SYT5: variants seen among roughly 807,000 people sequenced by gnomAD.
SYT5 encodes synaptotagmin-5.
In SYT5, 29 loss-of-function variants were observed where a neutral mutation model predicts 36.0. The ratio of observed to expected loss-of-function variants is 0.81; its 90% confidence interval spans 0.60 to 1.10. The LOEUF (loss-of-function observed/expected upper bound fraction) is 1.10. SYT5 is among the 50% of genes least tolerant of loss of function. The pLI, the probability that SYT5 is intolerant of heterozygous loss-of-function variation, is 0.00. For synonymous variants in SYT5, 231 were observed against 227.6 expected (o/e 1.02, Z -0.14); for missense variants, 512 against 516.0 (o/e 0.99, Z 0.08).
chr19:55,174,181 G>GAATCTGGTCCC lies in SYT5; in HGVS notation c.960+335_960+336insGGGACCAGATT, dbSNP rs2086041524. Reference sequence around the variant, plus strand: ...GCGGGGCATCCTGGTCCTGCTTGGGGGCGGGGCATCCTGGTCCTGCTTGGG... The same window carrying GAATCTGGTCCC: ...GCGGGGCATCCTGGTCCTGCTTGGGGAATCTGGTCCCGCGGGGCATCCTGGTCCTGCTTGGG... On this transcript the variant is annotated intron_variant, in intron 8 of 8. Transcript: ENST00000354308. Among the ~76,000 whole-genome samples the GAATCTGGTCCC allele has an allele frequency of 4.3e-4, 65 of 150,768 alleles. 1 individual carries two copies. Among genetic ancestry groups the GAATCTGGTCCC allele is most frequent in the African/African-American group, 1.6e-3 (63 of 40,590 alleles).
chr19:55,176,116 T>C lies in SYT5; in HGVS notation c.261A>G (p.Pro87=). 6.2e-7 allele frequency: 1 copy of C among 1,614,132 alleles called. No individual in the cohort carries two copies. The highest frequency in any genetic ancestry group is 8.5e-7 in the Non-Finnish European group (1 of 1,180,026). The change falls in exon 4 of 9, where the codon CCA becomes CCG. Residue 87 remains proline (P), a synonymous_variant. Coordinates refer to ENST00000354308, the MANE Select transcript of SYT5 (RefSeq NM_003180.3). ...LGQSYIDKVQ[P]EVEELEPAPS... Reference sequence around the variant, plus strand: ...GTGCTGGCTCCAGCTCCTCTACTTCTGGCTGCACCTTAAGGAGCCAGGGGT... The same window carrying C: ...GTGCTGGCTCCAGCTCCTCTACTTCCGGCTGCACCTTAAGGAGCCAGGGGT...
At position 55,173,612 on chromosome 19, in the gene SYT5, C is replaced by T. The variant is rs1446515335; in HGVS notation, c.1033G>A (p.Val345Met). Reference protein sequence around the residue: ...GKNEAIGRVAVGAAAGGAGLR... With the variant: ...GKNEAIGRVAMGAAAGGAGLR... Reference sequence around the variant, plus strand: ...CCAGCCCCGCCGGCGGCCGCCCCCACGGCCACCCTCCCGATGGCCTCGTTC... The same window carrying T: ...CCAGCCCCGCCGGCGGCCGCCCCCATGGCCACCCTCCCGATGGCCTCGTTC... Residue 345 changes from valine to methionine, a missense_variant, in exon 9 of 9, where the codon GTG becomes ATG. By Grantham distance (21) the Val-to-Met change is conservative. Coordinates refer to ENST00000354308, the MANE Select transcript of SYT5 (RefSeq NM_003180.3). The surrounding 1 kb of genome is among the most constrained non-coding windows in gnomAD (Gnocchi z 5.4). 1.3e-6 allele frequency: 2 copies of T among 1,486,944 alleles called. No individual in the cohort carries two copies. The highest frequency in any genetic ancestry group is 8.9e-7 in the Non-Finnish European group (1 of 1,119,288). The allele number at this position is 1,486,944 out of a possible 1,614,324, so 92.1% of individuals were successfully genotyped here.
At chr19:55,176,318 G>T (rs988608296) in intron 3 of SYT5, 194 bp from the exon 4 acceptor site, 4 of 703,044 alleles carry the variant, frequency 5.7e-6, no homozygotes, top group African/African-American at 5.4e-5. Context: ...CAGTATGTTT[G>T]TGAAGGTTTG....
At chr19:55,174,302 C>T (rs1469075383) in intron 8 of SYT5, among the ~76,000 whole-genome samples, 1 of 152,090 alleles carries the variant, frequency 6.6e-6, no homozygotes, top group African/African-American at 2.4e-5. Flanking sequence ...CATCCCGGTC[C>T]CGCTTAGAGC....
Position 55,175,755 on chromosome 19 carries a change from T to C in SYT5, c.494A>G (p.His165Arg). 6.2e-7 allele frequency: 1 copy of C among 1,614,122 alleles called. No individual in the cohort carries two copies. Among genetic ancestry groups the C allele is most frequent in the Non-Finnish European group, 8.5e-7 (1 of 1,180,026 alleles). Residue 165 changes from histidine (H) to arginine (R), a missense_variant, in exon 5 of 9, where the codon CAT (histidine) becomes CGT (arginine). By Grantham distance (29) the His-to-Arg change is conservative. Transcript: ENST00000354308. This position sits in a 1 kb window ranked among gnomAD's most constrained non-coding sequence, Gnocchi z 4.5. ...AAAGTGAGGGTTCAGCGTCTGCCGA[T>C]GCACCTTGGTCTCGTACCGCCTCCG... The part of the protein sequence containing the change: ...DKRRRYETKV[H>R]RQTLNPHFGE...
chr19:55,173,115 T>G lies in SYT5; in HGVS notation c.*369A>C. 1.0e-5 allele frequency: 2 copies of G among 197,668 alleles called. No individual in the cohort carries two copies. Among genetic ancestry groups the G allele is most frequent in the Non-Finnish European group, 2.0e-5 (2 of 97,716 alleles). 12.2% of individuals were successfully genotyped at this position (197,668 alleles called of 1,614,324 possible). A position where few individuals can be genotyped will look rare whatever the true frequency, so the allele number is the denominator to read the frequency against. ...CCAGGCCACCGGAGCTGCTGAATAT[T>G]TATTTGGCCCCAGGAGCAGTGCAGG... On this transcript the variant is annotated 3_prime_UTR_variant, in exon 9 of 9. Transcript: ENST00000354308. This position sits in a 1 kb window ranked among gnomAD's most constrained non-coding sequence, Gnocchi z 5.4.
At chr19:55,177,625 T>C (rs1599946543) in intron 3 of SYT5, 1 of 152,222 alleles carries the variant, frequency 6.6e-6, no homozygotes, top group Admixed American at 6.6e-5. Context: ...CAGGCTGGAG[T>C]GCAGTGGCGC....
Position 55,173,788 on chromosome 19 carries a change from C to G in SYT5, c.961-104G>C, listed in dbSNP as rs1599940107. The G allele has an allele frequency of 1.6e-6, 2 of 1,230,852 alleles. No homozygotes were observed. Among genetic ancestry groups the G allele is most frequent in the Admixed American group, 4.2e-5 (1 of 23,612 alleles). 76.2% of individuals were successfully genotyped at this position (1,230,852 alleles called of 1,614,324 possible). A position where few individuals can be genotyped will look rare whatever the true frequency, so the allele number is the denominator to read the frequency against. ...GCTGAGGGTACCTCTCGCTGCCACC[C>G]GAGGGCTCGGGGCCCCGGAGCTCGG... On this transcript the variant is annotated intron_variant, in intron 8 of 8. Coordinates refer to ENST00000354308, the MANE Select transcript of SYT5 (RefSeq NM_003180.3). This position sits in a 1 kb window ranked among gnomAD's most constrained non-coding sequence, Gnocchi z 5.4.
Position 55,175,676 on chromosome 19 carries a change from T to G in SYT5, c.540+33A>C. 6.2e-7 allele frequency: 1 copy of G among 1,609,626 alleles called. No individual in the cohort carries two copies. The highest frequency in any genetic ancestry group is 8.5e-7 in the Non-Finnish European group (1 of 1,178,220). ...AGTGTTCCAGGGACTGGGCACAGGC[T>G]ATGGAACACGGGGCCTGAAGGCAGG... On this transcript the variant is annotated intron_variant, in intron 5 of 8. Coordinates refer to ENST00000354308, the MANE Select transcript of SYT5 (RefSeq NM_003180.3). This position sits in a 1 kb window ranked among gnomAD's most constrained non-coding sequence, Gnocchi z 4.5.
chr19:55,178,446 C>T, intron 2 of SYT5, 78 bp from the exon 3 acceptor site: 1 of 1,443,066 alleles, frequency 6.9e-7, no homozygotes, highest in Non-Finnish European at 9.3e-7. Flanking sequence ...CACGTGGAAG[C>T]TGGAATGCTG....
In SYT5 at chr19:55,179,263, T is replaced by C. The variant is rs1418061882; in HGVS notation, c.-45-177A>G. ...TGAGAGGGGGTGTCCAGGACCTAGT[T>C]CCATCCTAAAGGGATACCCTCTTCC... On this transcript the variant is annotated intron_variant, in intron 1 of 8. Transcript: ENST00000354308. This position sits in a 1 kb window ranked among gnomAD's most constrained non-coding sequence, Gnocchi z 4.5. The C allele has an allele frequency of 6.9e-7, 1 of 1,449,132 alleles. No homozygotes were observed. The highest frequency in any genetic ancestry group is 1.4e-5 in the African/African-American group (1 of 69,610). The allele number at this position is 1,449,132 out of a possible 1,614,324, so 89.8% of individuals were successfully genotyped here.
rs11542503 is a variant in SYT5, at chr19:55,176,045, C to T, written c.332G>A (p.Arg111Gln). The change falls in exon 4 of 9, where the codon CGA (arginine) becomes CAA (glutamine). Residue 111 changes from arginine to glutamine, a missense_variant. Transcript: ENST00000354308. ...QQVADKHELG[R>Q]LQYSLDYDFQ... ...GTCATAATCCAGGGAGTACTGCAGTCGTCCTAGCTCATGCTTGTCTGCCAC... is the reference window on the plus strand; with the variant it reads ...GTCATAATCCAGGGAGTACTGCAGTTGTCCTAGCTCATGCTTGTCTGCCAC... The T allele has an allele frequency of 7.0e-3, 11,306 of 1,614,128 alleles. 515 individuals carry two copies. In the African/African-American group the frequency reaches 0.11, roughly 16 times the overall value.
chr19:55,175,493 A>G lies in SYT5; in HGVS notation c.541-154T>C. 1 of 1,127,290 alleles carries G rather than the reference A, an allele frequency of 8.9e-7. No homozygotes were observed. Among genetic ancestry groups the G allele is most frequent in the Non-Finnish European group, 1.2e-6 (1 of 815,044 alleles). 69.8% of individuals were successfully genotyped at this position (1,127,290 alleles called of 1,614,324 possible). A position where few individuals can be genotyped will look rare whatever the true frequency, so the allele number is the denominator to read the frequency against. ...GGAAAGTCCAGGGATCCATGCGGAA[A>G]AAAATCACGGGTCAGTGGAACCCAA... On this transcript the variant is annotated intron_variant, in intron 5 of 8. Transcript: ENST00000354308. The surrounding 1 kb of genome is among the most constrained non-coding windows in gnomAD (Gnocchi z 4.5).
At chr19:55,176,304 G>T in intron 3 of SYT5, 180 bp from the exon 4 acceptor site, 1 of 759,704 alleles carries the variant, frequency 1.3e-6, no homozygotes, top group South Asian at 1.8e-5. Context: ...TGGTAACACA[G>T]ATGCAGTATG....
Position 55,175,584 on chromosome 19 carries a change from C to G in SYT5, c.540+125G>C. 7.5e-7 allele frequency: 1 copy of G among 1,334,460 alleles called. No individual in the cohort carries two copies. The highest frequency in any genetic ancestry group is 1.0e-6 in the Non-Finnish European group (1 of 960,948). 82.7% of individuals were successfully genotyped at this position (1,334,460 alleles called of 1,614,324 possible). ...TAGTGCCCAGGGTCCAGTGGAATAGCCCCAGAGCTGGTAGCTGCCACCTGA... is the reference window on the plus strand; with the variant it reads ...TAGTGCCCAGGGTCCAGTGGAATAGGCCCAGAGCTGGTAGCTGCCACCTGA... On this transcript the variant is annotated intron_variant, in intron 5 of 8. Coordinates refer to ENST00000354308, the MANE Select transcript of SYT5 (RefSeq NM_003180.3). The surrounding 1 kb of genome is among the most constrained non-coding windows in gnomAD (Gnocchi z 4.5).
In SYT5 at chr19:55,171,308, CACA is replaced by C. The variant is rs2147320371; in HGVS notation, c.*2173_*2175del. 3.5e-5 allele frequency: 1 copy of C among 28,428 alleles called. No individual in the cohort carries two copies. Among genetic ancestry groups the C allele is most frequent in the Admixed American group, 4.1e-4 (1 of 2,434 alleles). The allele number at this position is 28,428 out of a possible 1,614,324, so 1.8% of individuals were successfully genotyped here. A position where few individuals can be genotyped will look rare whatever the true frequency, so the allele number is the denominator to read the frequency against. On this transcript the variant is annotated 3_prime_UTR_variant, in exon 9 of 9. Coordinates refer to ENST00000354308, the MANE Select transcript of SYT5 (RefSeq NM_003180.3). ...TTCATAAAGACATGCTCTACAGCCA[CACA>C]CACACACACACACACACACACACAC...
Position 55,179,206 on chromosome 19 carries a change from G to C in SYT5, c.-45-120C>G. On this transcript the variant is annotated intron_variant, in intron 1 of 8. Transcript: ENST00000354308. This position sits in a 1 kb window ranked among gnomAD's most constrained non-coding sequence, Gnocchi z 4.5. ...AAACCGGACAGCCACCGCGAGTCAT[G>C]CTGGGAGTTGTAGTATCAGCCTCCC... 6.5e-7 allele frequency: 1 copy of C among 1,528,042 alleles called. No individual in the cohort carries two copies. The highest frequency in any genetic ancestry group is 8.8e-7 in the Non-Finnish European group (1 of 1,142,582). 94.7% of individuals were successfully genotyped at this position (1,528,042 alleles called of 1,614,324 possible). A position where few individuals can be genotyped will look rare whatever the true frequency, so the allele number is the denominator to read the frequency against.
chr19:55,178,003 C>A (rs1280244883), intron 3 of SYT5, among the ~76,000 whole-genome samples, 193 bp downstream of exon 3: 2 of 152,180 alleles, frequency 1.3e-5, no homozygotes, highest in African/African-American at 2.4e-5. Flanking sequence ...CTGGGAAGTT[C>A]TTGGGAATAG....
In SYT5 at chr19:55,172,444, A is replaced by C. The variant is rs9676909; in HGVS notation, c.*1040T>G. On this transcript the variant is annotated 3_prime_UTR_variant, in exon 9 of 9. Transcript: ENST00000354308. ...TCAAAAAAACAAAAACAAAAACAAA[A>C]AAACAAACAAACAAAAAAAAAACAA... 28,157 of 149,338 alleles carry C rather than the reference A, an allele frequency of 0.19. 3,426 individuals are homozygous for C. Among genetic ancestry groups the C allele is most frequent in the African/African-American group, 0.36 (14,212 of 39,910 alleles). The allele number at this position is 149,338 out of a possible 1,614,324, so 9.3% of individuals were successfully genotyped here.
Sources: allele counts gnomAD v4.1 joint callset (sites outside exome capture counted in the v4.1 genomes callset), GRCh38; gene constraint gnomAD v4.1.1; non-coding constraint Gnocchi (gnomAD v3.1); transcripts MANE v1.5; gene names NCBI Gene and HGNC (gene_info 2026-07-23, HGNC 2026-07-21).